LIMCH1: variants seen among roughly 807,000 people sequenced by gnomAD.
LIMCH1 encodes the protein LIM and calponin homology domains 1, also known as LIM and calponin homology domains-containing protein 1.
In LIMCH1, 113 loss-of-function variants were observed where a neutral mutation model predicts 176.5. That is an observed-to-expected ratio of 0.64 (90% CI 0.55 to 0.75). The LOEUF (loss-of-function observed/expected upper bound fraction) is 0.75, where lower values mean the gene tolerates loss of function less well. Among genes scored for constraint, LIMCH1 ranks in the 30% least tolerant of loss-of-function variants. The pLI, the probability that LIMCH1 is intolerant of heterozygous loss-of-function variation, is 0.00. For missense variants in LIMCH1, 1,674 were observed against 1,814.9 expected, an observed-to-expected ratio of 0.92 and a Z score of 1.41; for synonymous variants, 619 against 645.9, an observed-to-expected ratio of 0.96 and a Z score of 0.63.
intron 2 of LIMCH1, among the ~76,000 whole-genome samples, chr4:41,507,591 G>C (rs1024751387): frequency 1.3e-5 from 2 of 152,176 alleles, no homozygotes; most frequent in African/African-American, 4.8e-5. Context: ...TAGGGACTCT[G>C]TGCCAGGAGC....
intron 1 of LIMCH1, among the ~76,000 whole-genome samples, chr4:41,476,537 T>C (rs939860258): frequency 6.6e-6 from 1 of 152,236 alleles, no homozygotes; most frequent in Non-Finnish European, 1.5e-5. Context: ...ATGAATGGCA[T>C]TTTAGTGGGC....
At chr4:41,495,503 A>G (rs781768262) in intron 2 of LIMCH1, among the ~76,000 whole-genome samples, 7 of 152,110 alleles carry the variant, frequency 4.6e-5, no homozygotes, top group African/African-American at 7.2e-5. Flanking sequence ...CTTCTCTTAT[A>G]CTTGATTTCA....
intron 1 of LIMCH1, among the ~76,000 whole-genome samples, chr4:41,558,461 A>G (rs554732382): frequency 6.6e-6 from 1 of 152,280 alleles, no homozygotes; most frequent in East Asian, 1.9e-4. Context: ...ATTCCCCAGC[A>G]TGTTACAATC....
intron 8 of LIMCH1, among the ~76,000 whole-genome samples, chr4:41,628,157 G>T (rs1479481471): frequency 1.3e-5 from 2 of 152,164 alleles, no homozygotes; most frequent in Non-Finnish European, 2.9e-5. Flanking sequence ...GGAGGGCCTT[G>T]TGGGAGGGAT....
chr4:41,503,829 C>A (rs538178641), intron 2 of LIMCH1, among the ~76,000 whole-genome samples: 1 of 152,276 alleles, frequency 6.6e-6, no homozygotes, highest in African/African-American at 2.4e-5. Flanking sequence ...GTGATAACTG[C>A]CCTTGCTCTG....
At position 41,611,497 on chromosome 4, in the gene LIMCH1, G is replaced by A. The variant is rs1263441724; in HGVS notation, c.10-1969G>A. 2.0e-5 allele frequency among the ~76,000 whole-genome samples: 3 copies of A among 152,316 alleles called. No homozygotes were observed. The East Asian group carries it at 5.8e-4, about 29-fold the overall frequency. On this transcript the variant is annotated intron_variant, in intron 4 of 31. Coordinates refer to ENST00000503057, the MANE Select transcript of LIMCH1 (RefSeq NM_001330672.2). The stretch of plus-strand genomic sequence containing the variant: ...TCTAGTAGTAGAGAAGATGCTGATG[G>A]TGGAACTGTAACTGTACCAAAGATG...
intron 12 of LIMCH1, 67 bp downstream of exon 12, chr4:41,633,152 C>CA (rs2093413852): frequency 1.2e-5 from 14 of 1,146,680 alleles, no homozygotes; most frequent in East Asian, 2.6e-5. Context: ...GTCGTGTTCC[C>CA]AAAAAAACAG....
chr4:41,546,513 G>T (rs1031993442), intron 1 of LIMCH1, among the ~76,000 whole-genome samples: 1 of 151,724 alleles, frequency 6.6e-6, no homozygotes, highest in Non-Finnish European at 1.5e-5. Context: ...CCTATCTATA[G>T]AATGAAATCA....
intron 1 of LIMCH1, among the ~76,000 whole-genome samples, chr4:41,487,329 T>C (rs1014109817): frequency 1.1e-4 from 17 of 152,108 alleles, no homozygotes; most frequent in African/African-American, 4.1e-4. Context: ...ATGGATGGCA[T>C]TTGAATCGGT....
At chr4:41,389,721 A>C (rs187055568) in intron 1 of LIMCH1, 2 of 152,164 alleles carry the variant, frequency 1.3e-5, no homozygotes, top group Non-Finnish European at 2.9e-5. Context: ...AAAATTAAAT[A>C]AAAAAAGAGT....
At chr4:41,393,365 T>C (rs1181115612) in intron 1 of LIMCH1, among the ~76,000 whole-genome samples, 1 of 152,236 alleles carries the variant, frequency 6.6e-6, no homozygotes, top group African/African-American at 2.4e-5. Context: ...GGTTCTACTC[T>C]GCCCTTCATG....
chr4:41,570,460 G>A (rs1482075402), intron 1 of LIMCH1, among the ~76,000 whole-genome samples: 1 of 152,192 alleles, frequency 6.6e-6, no homozygotes, highest in Non-Finnish European at 1.5e-5. Context: ...TCAGTGATAT[G>A]TTTTGCATTA....
At chr4:41,694,048 T>A (rs1728514478) in intron 31 of LIMCH1, among the ~76,000 whole-genome samples, 1 of 152,180 alleles carries the variant, frequency 6.6e-6, no homozygotes, top group Non-Finnish European at 1.5e-5. Flanking sequence ...AATATACAAA[T>A]ATAAAGGGCA....
In LIMCH1 at chr4:41,646,508, A is replaced by G. The variant is rs745681391; in HGVS notation, c.2435A>G (p.His812Arg). Reference sequence around the variant, plus strand: ...AGAGAGCGGAGAGAGAGAGAGCTGCATGAAGCATATAAGAACGCTCGGTCC... The same window carrying G: ...AGAGAGCGGAGAGAGAGAGAGCTGCGTGAAGCATATAAGAACGCTCGGTCC... The part of the protein sequence containing the change: ...QEKERREREL[H>R]EAYKNARSQE... The change falls in exon 17 of 32, where the codon CAT (histidine) becomes CGT (arginine). Residue 812 changes from histidine to arginine, a missense_variant. His to Arg is a conservative substitution (Grantham distance 29). Around this residue, in one of 3 missense-constraint regions of LIMCH1, gnomAD observed 1,015 missense variants for 1,102.5 expected, o/e 0.92. Transcript: ENST00000503057. The G allele has an allele frequency of 1.2e-6, 2 of 1,613,836 alleles. No homozygotes were observed. Among genetic ancestry groups the G allele is most frequent in the East Asian group, 2.2e-5 (1 of 44,880 alleles).
intron 1 of LIMCH1, among the ~76,000 whole-genome samples, chr4:41,431,248 A>T (rs925292195): frequency 3.8e-4 from 58 of 151,912 alleles, no homozygotes; most frequent in Non-Finnish European, 6.0e-4. Flanking sequence ...TTTGAGACAT[A>T]CCACCTCCCC....
chr4:41,427,178 G>A (rs1388412202), intron 1 of LIMCH1, among the ~76,000 whole-genome samples: 1 of 152,118 alleles, frequency 6.6e-6, no homozygotes, highest in Non-Finnish European at 1.5e-5. Context: ...TGTTTTGATG[G>A]CTTGAGATCT....
rs575009710 is a variant in LIMCH1 at position 41,495,002 on chromosome 4, A to G, written c.167+396A>G. ...AAAACAGTGCTTCTATATACTTACA[A>G]CATCTTAAAACATGCCGGGTAATGC... On this transcript the variant is annotated intron_variant, in intron 2 of 26. Coordinates refer to the LIMCH1 transcript ENST00000313860. Among the ~76,000 whole-genome samples the G allele has an allele frequency of 6.9e-4, 105 of 152,326 alleles. No homozygotes were observed. The South Asian group carries it at 0.021, about 31-fold the overall frequency.
At chr4:41,456,249 T>C (rs537258816) in intron 1 of LIMCH1, among the ~76,000 whole-genome samples, 1 of 152,216 alleles carries the variant, frequency 6.6e-6, no homozygotes, top group African/African-American at 2.4e-5. Flanking sequence ...AAATTTTAGG[T>C]TTATGTCAAT....
chr4:41,492,551 A>G (rs1021674292), intron 1 of LIMCH1, among the ~76,000 whole-genome samples: 9 of 152,214 alleles, frequency 5.9e-5, no homozygotes, highest in Admixed American at 4.6e-4. Context: ...GTCTTCATAA[A>G]TGCTCACTGT....
Sources: allele counts gnomAD v4.1 joint callset (sites outside exome capture counted in the v4.1 genomes callset), GRCh38; gene constraint gnomAD v4.1.1; regional missense constraint gnomAD v4.1.1; transcripts MANE v1.5; gene names NCBI Gene and HGNC (gene_info 2026-07-23, HGNC 2026-07-21).